The following BAG4 variants were observed in gnomAD, a reference collection of about 807,000 sequenced individuals.
The protein encoded by BAG4 is BAG cochaperone 4, also known as BAG family molecular chaperone regulator 4.
BAG4 carries 28 observed loss-of-function variants against 52.1 expected under a neutral mutation model. That is an observed-to-expected ratio of 0.54 (90% CI 0.40 to 0.74). The LOEUF (loss-of-function observed/expected upper bound fraction) is 0.74. Ranked by LOEUF, BAG4 falls within the 30% of genes least tolerant of loss-of-function variation. The pLI, the probability that BAG4 is intolerant of heterozygous loss-of-function variation, is 0.00. For synonymous variants in BAG4, 208 were observed against 217.0 expected (o/e 0.96, Z 0.37); for missense variants, 525 against 572.0 (o/e 0.92, Z 0.84).
intron 2 of BAG4, 95 bp downstream of exon 2, chr8:38,192,890 G>GT (rs1311210897): frequency 1.3e-4 from 119 of 883,988 alleles, no homozygotes; most frequent in Middle Eastern, 2.6e-4. Context: ...ATGAGTGTGT[G>GT]TTTTTTTTCT....
At chr8:38,204,568 GAT>G (rs1291494047) in intron 2 of BAG4, among the ~76,000 whole-genome samples, 1 of 151,278 alleles carries the variant, frequency 6.6e-6, no homozygotes, top group African/African-American at 2.4e-5. Context: ...GAGGTGCCAG[GAT>G]CACTTCAGCC....
chr8:38,176,991 C>T lies in BAG4; in HGVS notation c.122C>T (p.Pro41Leu), dbSNP rs555873998. ...CCTCCACCCTTATATCCTCTTCGCC[C>T]TGAACCTCCCCAGCCTCCCATTTCC... ...HPPPPLYPLR[P>L]EPPQPPISWR... Residue 41 changes from proline to leucine, a missense_variant, in exon 1 of 5, where the codon CCT becomes CTT. Physicochemically the swap from Pro to Leu is moderately conservative, Grantham distance 98. Around this residue, in one of 2 missense-constraint regions of BAG4, gnomAD observed 287 missense variants for 266.1 expected, o/e 1.08. Transcript: ENST00000287322. 177 of 1,593,984 alleles carry T rather than the reference C, an allele frequency of 1.1e-4. No individual in the cohort carries two copies. Among genetic ancestry groups the T allele is most frequent in the Non-Finnish European group, 1.5e-4 (174 of 1,170,500 alleles).
intron 2 of BAG4, among the ~76,000 whole-genome samples, chr8:38,199,523 T>C (rs1476279286): frequency 6.9e-6 from 1 of 144,876 alleles, no homozygotes; most frequent in African/African-American, 2.5e-5. Flanking sequence ...ACTCCTGTGA[T>C]TTCTTTTTTT....
intron 2 of BAG4, among the ~76,000 whole-genome samples, chr8:38,200,402 A>C (rs1194664155): frequency 6.6e-6 from 1 of 152,058 alleles, no homozygotes; most frequent in Non-Finnish European, 1.5e-5. Context: ...GCCAATACCA[A>C]ACTGTTTTGA....
At chr8:38,193,732 AT>A (rs1393216540) in intron 2 of BAG4, among the ~76,000 whole-genome samples, 3 of 141,914 alleles carry the variant, frequency 2.1e-5, no homozygotes, top group Non-Finnish European at 4.6e-5. Context: ...TACCCAGCTA[AT>A]TTTTTGATTT....
At chr8:38,187,730 A>G (rs569251505) in intron 1 of BAG4, among the ~76,000 whole-genome samples, 14 of 152,050 alleles carry the variant, frequency 9.2e-5, no homozygotes, top group Non-Finnish European at 5.9e-5. Context: ...TGAGAAGCAT[A>G]TTGTTAGCCC....
rs545014970 is a variant in BAG4, at chr8:38,212,687, GTGT to G, written c.*2199_*2201del. ...TACCTGATGTTGTAATGTATTTCTG[GTGT>G]TGTTAACCTTGATCACTATGCTAAG... is the stretch of plus-strand genomic sequence containing the variant. On this transcript the variant is annotated 3_prime_UTR_variant, in exon 5 of 5. Transcript: ENST00000287322. 1.1e-4 allele frequency: 17 copies of G among 152,236 alleles called. No individual in the cohort carries two copies. In the East Asian group the frequency reaches 3.3e-3, roughly 29 times the overall value. 9.4% of individuals were successfully genotyped at this position (152,236 alleles called of 1,614,324 possible). A position where few individuals can be genotyped will look rare whatever the true frequency, so the allele number is the denominator to read the frequency against.
chr8:38,183,702 T>A (rs938117504), intron 1 of BAG4, among the ~76,000 whole-genome samples: 3 of 152,162 alleles, frequency 2.0e-5, no homozygotes, highest in Admixed American at 2.0e-4. Flanking sequence ...TTTTTCTTTT[T>A]GTGGAGAACA....
chr8:38,180,976 T>G (rs565047633), intron 1 of BAG4, among the ~76,000 whole-genome samples: 1 of 151,278 alleles, frequency 6.6e-6, no homozygotes, highest in East Asian at 1.9e-4. Flanking sequence ...AGTTTCACTC[T>G]GTTACCCAGG....
At position 38,209,248 on chromosome 8, in the gene BAG4, C is replaced by T. The variant is rs531742224; in HGVS notation, c.869C>T (p.Pro290Leu). The change falls in exon 4 of 5, where the codon CCC becomes CTC. Residue 290 changes from proline (P) to leucine (L), a missense_variant. Around this residue, in one of 2 missense-constraint regions of BAG4, gnomAD observed 238 missense variants for 305.8 expected, o/e 0.78. Transcript: ENST00000287322. Reference sequence around the variant, plus strand: ...GGCTCTCCCCAGTCACCCCCTTCACCCCCAGTCCAGCAGCCCAAGGTAGGA... The same window carrying T: ...GGCTCTCCCCAGTCACCCCCTTCACTCCCAGTCCAGCAGCCCAAGGTAGGA... ...SSGSPQSPPS[P>L]PVQQPKDSSY... The T allele has an allele frequency of 6.2e-7, 1 of 1,614,176 alleles. No individual in the cohort carries two copies. The highest frequency in any genetic ancestry group is 1.3e-5 in the African/African-American group (1 of 75,044).
intron 1 of BAG4, among the ~76,000 whole-genome samples, chr8:38,180,558 G>A (rs572576152): frequency 1.4e-3 from 164 of 116,488 alleles, no homozygotes; most frequent in African/African-American, 4.8e-3. Context: ...AGATATGCAT[G>A]TTGTCACAGA....
intron 1 of BAG4, among the ~76,000 whole-genome samples, chr8:38,192,419 T>C (rs1387831323): frequency 6.6e-6 from 1 of 152,178 alleles, no homozygotes; most frequent in Non-Finnish European, 1.5e-5. Context: ...AGTTTTATAG[T>C]TGGGGTCCTA....
intron 2 of BAG4, among the ~76,000 whole-genome samples, chr8:38,199,526 CTT>C (rs148882011): frequency 2.2e-4 from 31 of 141,388 alleles, no homozygotes; most frequent in Non-Finnish European, 2.3e-4. Flanking sequence ...CCTGTGATTT[CTT>C]TTTTTTTTTT....
chr8:38,190,542 A>G (rs1255690294), intron 1 of BAG4, among the ~76,000 whole-genome samples: 1 of 147,278 alleles, frequency 6.8e-6, no homozygotes, highest in Non-Finnish European at 1.5e-5. Flanking sequence ...TCTGCCTCTC[A>G]CCTCTCAGCC....
rs891816580 is a variant in BAG4, at chr8:38,211,084, A to G, written c.*591A>G. 3 of 152,296 alleles carry G rather than the reference A, an allele frequency of 2.0e-5. No homozygotes were observed. The highest frequency in any genetic ancestry group is 7.2e-5 in the African/African-American group (3 of 41,444). 9.4% of individuals were successfully genotyped at this position (152,296 alleles called of 1,614,324 possible). ...TATTCAAGAGACTATATTGACAGCC[A>G]GATAGTATGGCAGTTCTGAAAAAAT... On this transcript the variant is annotated 3_prime_UTR_variant, in exon 5 of 5. Coordinates refer to ENST00000287322, the MANE Select transcript of BAG4 (RefSeq NM_004874.4).
intron 1 of BAG4, 61 bp from the exon 2 acceptor site, chr8:38,192,627 T>C: frequency 1.5e-6 from 2 of 1,313,954 alleles, no homozygotes; most frequent in Non-Finnish European, 2.1e-6. Flanking sequence ...CCTCTATCAA[T>C]CTATCTTAAA....
chr8:38,207,791 A>C, intron 3 of BAG4, 25 bp downstream of exon 3: 1 of 1,611,870 alleles, frequency 6.2e-7, no homozygotes, highest in East Asian at 2.2e-5. Flanking sequence ...ATTGGGAAAA[A>C]AATGAATTCA....
chr8:38,177,784 C>G (rs990147618), intron 1 of BAG4, among the ~76,000 whole-genome samples: 1 of 152,024 alleles, frequency 6.6e-6, no homozygotes, highest in Non-Finnish European at 1.5e-5. Context: ...TTGCCTAATA[C>G]ACTTGGACCT....
At chr8:38,195,978 A>G (rs570525893) in intron 2 of BAG4, among the ~76,000 whole-genome samples, 2 of 152,216 alleles carry the variant, frequency 1.3e-5, no homozygotes, top group South Asian at 4.2e-4. Flanking sequence ...TTCTAACCAG[A>G]CATTTTGTAT....
Sources: allele counts gnomAD v4.1 joint callset (sites outside exome capture counted in the v4.1 genomes callset), GRCh38; gene constraint gnomAD v4.1.1; regional missense constraint gnomAD v4.1.1; transcripts MANE v1.5; gene names NCBI Gene and HGNC (gene_info 2026-07-23, HGNC 2026-07-21).